The following ARFGEF1 variants were observed in gnomAD, a reference collection of about 807,000 sequenced individuals.
ARFGEF1 encodes ARF guanine nucleotide exchange factor 1.
ARFGEF1 carries 42 observed loss-of-function variants against 231.0 expected under a neutral mutation model. The observed-to-expected ratio is 0.18, with a 90% CI of 0.14 to 0.24. The LOEUF (loss-of-function observed/expected upper bound fraction) is 0.24. ARFGEF1 is among the 10% of genes least tolerant of loss of function. ARFGEF1 has a pLI of 1.00. For synonymous variants in ARFGEF1, 710 were observed against 732.3 expected (o/e 0.97, Z 0.49); for missense variants, 1,345 against 2,192.0 (o/e 0.61, Z 7.72).
chr8:67,271,978 G>A, intron 9 of ARFGEF1, 42 bp from the exon 10 acceptor site: 1 of 1,266,116 alleles, frequency 7.9e-7, no homozygotes, highest in Non-Finnish European at 1.1e-6. Flanking sequence ...AACAAGGTTG[G>A]CATTATAGTA....
At chr8:67,266,251 A>T (rs1804845577) in intron 13 of ARFGEF1, 44 bp from the exon 14 acceptor site, 1 of 1,513,760 alleles carries the variant, frequency 6.6e-7, no homozygotes, top group South Asian at 1.2e-5. Flanking sequence ...CTATCAAAGA[A>T]AAAAAAAAGT....
intron 17 of ARFGEF1, among the ~76,000 whole-genome samples, chr8:67,255,585 A>G (rs1840428768): frequency 6.6e-6 from 1 of 152,240 alleles, no homozygotes; most frequent in Non-Finnish European, 1.5e-5. Context: ...ATTCCTTTAA[A>G]GTTATTTGTA....
intron 7 of ARFGEF1, among the ~76,000 whole-genome samples, chr8:67,282,437 CTT>C (rs980605422): frequency 6.6e-6 from 1 of 152,088 alleles, no homozygotes; most frequent in Non-Finnish European, 1.5e-5. Context: ...AAAAAGGTAT[CTT>C]AGTGTATTTT....
intron 1 of ARFGEF1, among the ~76,000 whole-genome samples, chr8:67,336,612 G>A (rs768615573): frequency 6.6e-6 from 1 of 152,098 alleles, no homozygotes; most frequent in Admixed American, 6.5e-5. Flanking sequence ...AACTGATCTC[G>A]TCTCCATTTT....
intron 28 of ARFGEF1, among the ~76,000 whole-genome samples, 172 bp from the exon 29 acceptor site, chr8:67,225,205 C>T (rs1304864737): frequency 6.6e-6 from 1 of 152,128 alleles, no homozygotes; most frequent in South Asian, 2.1e-4. Flanking sequence ...AGTATATGTG[C>T]CACTGAAATA....
intron 10 of ARFGEF1, among the ~76,000 whole-genome samples, chr8:67,271,213 A>T (rs919484766): frequency 6.6e-6 from 1 of 150,778 alleles, no homozygotes; most frequent in South Asian, 2.1e-4. Flanking sequence ...TATATACATT[A>T]AAAAAAAAGT....
chr8:67,246,868 A>G (rs1840123563), intron 19 of ARFGEF1, among the ~76,000 whole-genome samples: 1 of 150,428 alleles, frequency 6.6e-6, no homozygotes, highest in Non-Finnish European at 1.5e-5. Flanking sequence ...TAAGAAAAAA[A>G]GACCGAAGAC....
chr8:67,182,680 G>A (rs1040610054), intron 5 of ARFGEF1, among the ~76,000 whole-genome samples: 3 of 152,096 alleles, frequency 2.0e-5, no homozygotes, highest in Admixed American at 2.0e-4. Flanking sequence ...CAATCCTTAC[G>A]GGTGTGACGT....
downstream of ARFGEF1, chr8:67,195,285 TG>T: frequency 1.3e-6 from 1 of 796,742 alleles, no homozygotes; most frequent in Non-Finnish European, 2.3e-6. Flanking sequence ...TGTGGGGAAA[TG>T]CTGAGTTGTA....
At chr8:67,331,399 T>A (rs186351798) in intron 1 of ARFGEF1, among the ~76,000 whole-genome samples, 128 of 152,238 alleles carry the variant, frequency 8.4e-4, no homozygotes, top group Middle Eastern at 6.8e-3. Context: ...ATTAGTGCCC[T>A]TATAAAAGAG....
chr8:67,326,877 C>G (rs376043523), intron 1 of ARFGEF1, among the ~76,000 whole-genome samples: 8 of 152,210 alleles, frequency 5.3e-5, no homozygotes, highest in African/African-American at 1.9e-4. Flanking sequence ...AGTCAAAATC[C>G]TATGTCAGGC....
intron 33 of ARFGEF1, 151 bp from the exon 34 acceptor site, chr8:67,211,766 T>A: frequency 2.1e-6 from 1 of 483,054 alleles, no homozygotes. Flanking sequence ...GAAAATTATT[T>A]AAAATTACCT....
downstream of ARFGEF1, chr8:67,195,717 A>AAAT: frequency 4.3e-6 from 3 of 692,900 alleles, no homozygotes; most frequent in South Asian, 5.8e-5. Context: ...TCTGTATATA[A>AAAT]AATTATTTTT....
At chr8:67,222,227 A>ATGTATGTATGTATG (rs1554636859) in intron 29 of ARFGEF1, among the ~76,000 whole-genome samples, 1 of 115,156 alleles carries the variant, frequency 8.7e-6, no homozygotes, top group Non-Finnish European at 1.7e-5. Flanking sequence ...ATATATATGT[A>ATGTATGTATGTATG]TATGTATGTA....
chr8:67,333,831 G>A (rs969902935), intron 1 of ARFGEF1, among the ~76,000 whole-genome samples: 5 of 152,024 alleles, frequency 3.3e-5, no homozygotes, highest in Non-Finnish European at 5.9e-5. Flanking sequence ...TTTGTTTCAT[G>A]CACAAAATTA....
intron 29 of ARFGEF1, among the ~76,000 whole-genome samples, chr8:67,221,394 T>C (rs1413022845): frequency 1.3e-5 from 2 of 152,156 alleles, no homozygotes; most frequent in Non-Finnish European, 1.5e-5. Flanking sequence ...TGGAAGACAG[T>C]GACACTGATG....
At chr8:67,205,997 TA>T (rs1838500882) in intron 34 of ARFGEF1, among the ~76,000 whole-genome samples, 1 of 152,216 alleles carries the variant, frequency 6.6e-6, no homozygotes, top group African/African-American at 2.4e-5. Flanking sequence ...GACTCCGGAT[TA>T]ACCTATGCAA....
At chr8:67,317,791 C>T (rs770196269) in intron 1 of ARFGEF1, among the ~76,000 whole-genome samples, 72 of 150,038 alleles carry the variant, frequency 4.8e-4, no homozygotes, top group Non-Finnish European at 9.5e-4. Flanking sequence ...CCCAGCTACT[C>T]GGGAGGCTGA....
chr8:67,303,730 AT>A lies in ARFGEF1; in HGVS notation c.125-1265del, dbSNP rs767453831. On this transcript the variant is annotated intron_variant, in intron 1 of 38. Transcript: ENST00000262215. ...CTCCATCTCTTAAAAAAAAAAAAAA[AT>A]AATAATTAATTAATATATTGGGGAA... is the stretch of plus-strand genomic sequence containing the variant. Among the ~76,000 whole-genome samples, 1,104 of 151,224 alleles carry A rather than the reference AT, an allele frequency of 7.3e-3. 11 individuals are homozygous for A. The highest frequency in any genetic ancestry group is 0.026 in the South Asian group (127 of 4,804).
Sources: gnomAD v4.1 joint callset for allele counts (sites outside exome capture counted in the v4.1 genomes callset) on GRCh38, gnomAD v4.1.1 for gene constraint, MANE v1.5 for transcripts, NCBI Gene and HGNC (gene_info 2026-07-23, HGNC 2026-07-21) for gene names.